The following DPP10 variants were observed in gnomAD, a reference collection of about 807,000 sequenced individuals.
DPP10 encodes dipeptidyl peptidase like 10, also known as inactive dipeptidyl peptidase 10.
A neutral mutation model predicts 120.9 loss-of-function variants in DPP10; 33 were observed. That is an observed-to-expected ratio of 0.27 (90% CI 0.21 to 0.37). The LOEUF (loss-of-function observed/expected upper bound fraction) is 0.37, where lower values mean the gene tolerates loss of function less well. DPP10 is among the 10% of genes least tolerant of loss of function. The pLI, the probability that DPP10 is intolerant of heterozygous loss-of-function variation, is 1.00. For synonymous variants in DPP10, 337 were observed against 326.1 expected (o/e 1.03, Z -0.36); for missense variants, 816 against 942.8 (o/e 0.87, Z 1.76).
At chr2:114,703,526 G>C (rs1700509313) in intron 1 of DPP10, among the ~76,000 whole-genome samples, 1 of 152,174 alleles carries the variant, frequency 6.6e-6, no homozygotes, top group Non-Finnish European at 1.5e-5. Flanking sequence ...ATAAATGGAA[G>C]TGAAAAGGTC....
chr2:115,103,184 CTTTT>C (rs71394123), intron 1 of DPP10, among the ~76,000 whole-genome samples: 1 of 122,146 alleles, frequency 8.2e-6, no homozygotes, highest in Admixed American at 8.5e-5. Flanking sequence ...CTGATTCTCT[CTTTT>C]TTTTTTTTTT....
intron 1 of DPP10, among the ~76,000 whole-genome samples, chr2:114,629,712 C>T (rs573446248): frequency 1.2e-4 from 18 of 152,216 alleles, no homozygotes; most frequent in South Asian, 2.1e-4. Flanking sequence ...AAAGATTAGA[C>T]GATATGGACC....
rs187331101 is a variant in DPP10, at chr2:115,784,775, G to A, written c.1531+2376G>A. ...TCGAACTCACAACCTCAGGTGATCT[G>A]CCAGCCACAGCCTCCCAAAGTGCTG... is the stretch of plus-strand genomic sequence containing the variant. On this transcript the variant is annotated intron_variant, in intron 17 of 25. Coordinates refer to ENST00000410059, the MANE Select transcript of DPP10 (RefSeq NM_020868.6). 2.6e-4 allele frequency among the ~76,000 whole-genome samples: 39 copies of A among 152,186 alleles called. No individual in the cohort carries two copies. In the East Asian group the frequency reaches 7.4e-3, roughly 29 times the overall value.
intron 3 of DPP10, among the ~76,000 whole-genome samples, chr2:115,482,960 A>T (rs916319536): frequency 6.6e-6 from 1 of 152,098 alleles, no homozygotes; most frequent in South Asian, 2.1e-4. Context: ...TTAGACACTA[A>T]TTCAATGAGA....
chr2:115,214,040 G>A (rs971993943), intron 1 of DPP10, among the ~76,000 whole-genome samples: 4 of 152,176 alleles, frequency 2.6e-5, no homozygotes, highest in African/African-American at 9.6e-5. Flanking sequence ...CTTTGGTTTT[G>A]TAGATAAATT....
intron 1 of DPP10, among the ~76,000 whole-genome samples, chr2:114,839,151 T>C (rs1324694233): frequency 6.6e-6 from 1 of 152,236 alleles, no homozygotes; most frequent in Non-Finnish European, 1.5e-5. Flanking sequence ...TTAGCAATTA[T>C]TTCTTGGATG....
chr2:114,449,636 C>A (rs990190306), intron 1 of DPP10, among the ~76,000 whole-genome samples: 2 of 151,936 alleles, frequency 1.3e-5, no homozygotes, highest in East Asian at 1.9e-4. Context: ...TGTGGTCTTG[C>A]GGAAGGCAAT....
intron 3 of DPP10, among the ~76,000 whole-genome samples, chr2:115,472,467 AT>A (rs1263014419): frequency 1.3e-5 from 2 of 152,172 alleles, no homozygotes; most frequent in Non-Finnish European, 2.9e-5. Flanking sequence ...CATATGACCT[AT>A]AAAAATGAGA....
chr2:114,464,759 T>G (rs1679209231), intron 1 of DPP10, among the ~76,000 whole-genome samples: 2 of 152,048 alleles, frequency 1.3e-5, no homozygotes, highest in African/African-American at 4.8e-5. Context: ...CAGCTACTTG[T>G]GAGTCTGAGG....
At chr2:114,577,030 GA>G (rs1690109269) in intron 1 of DPP10, among the ~76,000 whole-genome samples, 1 of 152,132 alleles carries the variant, frequency 6.6e-6, no homozygotes, top group African/African-American at 2.4e-5. Flanking sequence ...ATGTGATGGA[GA>G]AAAATATATG....
intron 4 of DPP10, among the ~76,000 whole-genome samples, chr2:115,525,283 GTAGTT>G (rs1356913491): frequency 6.6e-6 from 1 of 152,002 alleles, no homozygotes; most frequent in African/African-American, 2.4e-5. Flanking sequence ...GTTTCATTGT[GTAGTT>G]TAAATTCCTT....
intron 5 of DPP10, among the ~76,000 whole-genome samples, chr2:115,676,242 C>T (rs980920300): frequency 7.9e-5 from 12 of 152,294 alleles, no homozygotes; most frequent in African/African-American, 2.9e-4. Context: ...CACAGAATGG[C>T]CACAAAGGCA....
At chr2:114,486,664 G>T (rs909741245) in intron 1 of DPP10, among the ~76,000 whole-genome samples, 4 of 152,052 alleles carry the variant, frequency 2.6e-5, no homozygotes, top group Non-Finnish European at 5.9e-5. Context: ...TTGTAGTTCT[G>T]TAACTCTCAT....
chr2:115,007,806 A>G lies in DPP10; in HGVS notation c.61-301433A>G, dbSNP rs945182055. ...CAACAGACAAACAGAGAGCCAAATC[A>G]TGAGTGAACTCCCATTCACAATTGC... On this transcript the variant is annotated intron_variant, in intron 1 of 25. Coordinates refer to ENST00000410059, the MANE Select transcript of DPP10 (RefSeq NM_020868.6). 2.8e-3 allele frequency among the ~76,000 whole-genome samples: 413 copies of G among 149,158 alleles called. 1 individual carries two copies. Among genetic ancestry groups the G allele is most frequent in the Non-Finnish European group, 4.4e-3 (295 of 66,480 alleles).
intron 2 of DPP10, among the ~76,000 whole-genome samples, chr2:115,325,022 A>G (rs2062275841): frequency 6.6e-6 from 1 of 152,152 alleles, no homozygotes; most frequent in Non-Finnish European, 1.5e-5. Context: ...CCCCAAGACA[A>G]CTACAATAGT....
chr2:115,600,924 C>T (rs187095043), intron 5 of DPP10, among the ~76,000 whole-genome samples: 5 of 152,288 alleles, frequency 3.3e-5, no homozygotes, highest in African/African-American at 1.2e-4. Flanking sequence ...CCCTCCTCCT[C>T]TTTGTGTAGC....
chr2:115,409,322 CAA>C (rs2068762006), intron 3 of DPP10, among the ~76,000 whole-genome samples: 2 of 151,930 alleles, frequency 1.3e-5, no homozygotes, highest in Non-Finnish European at 2.9e-5. Context: ...TATTAGGAGA[CAA>C]ATGTGTAAAA....
At chr2:115,600,506 A>G (rs1041632475) in intron 5 of DPP10, among the ~76,000 whole-genome samples, 1 of 152,192 alleles carries the variant, frequency 6.6e-6, no homozygotes, top group African/African-American at 2.4e-5. Context: ...GCTGATTTCC[A>G]TGTATATATG....
chr2:114,538,652 A>C (rs757965912), intron 1 of DPP10, among the ~76,000 whole-genome samples: 2 of 152,186 alleles, frequency 1.3e-5, no homozygotes, highest in Non-Finnish European at 2.9e-5. Context: ...TGAGGTAACA[A>C]AGTAGCACTG....
Sources: allele counts gnomAD v4.1 joint callset (sites outside exome capture counted in the v4.1 genomes callset), GRCh38; gene constraint gnomAD v4.1.1; transcripts MANE v1.5; gene names NCBI Gene and HGNC (gene_info 2026-07-23, HGNC 2026-07-21).